PUF60: variants seen among roughly 807,000 people sequenced by gnomAD.
PUF60 encodes the protein poly(U)-binding-splicing factor PUF60.
In PUF60, 10 loss-of-function variants were observed where a neutral mutation model predicts 61.8. That is an observed-to-expected ratio of 0.16 (90% CI 0.10 to 0.27). PUF60 has a LOEUF of 0.27. PUF60 is among the 10% of genes least tolerant of loss of function. The pLI, the probability that PUF60 is intolerant of heterozygous loss-of-function variation, is 1.00. For synonymous variants in PUF60, 353 were observed against 300.9 expected, an observed-to-expected ratio of 1.17 and a Z score of -1.79; for missense variants, 371 against 754.0, an observed-to-expected ratio of 0.49 and a Z score of 5.95.
chr8:143,829,221 G>A lies in PUF60; in HGVS notation c.24+59C>T, dbSNP rs1356836163. ...GGGAGGCCCTCCGCGCCCAGGCTGG[G>A]TCGACGACCCGGCCCCGCAAGCCGA... On this transcript the variant is annotated intron_variant, in intron 1 of 11. Transcript: ENST00000526683. 5 of 1,236,984 alleles carry A rather than the reference G, an allele frequency of 4.0e-6. No individual in the cohort carries two copies. The East Asian group carries it at 1.3e-4, about 31-fold the overall frequency. 76.6% of individuals were successfully genotyped at this position (1,236,984 alleles called of 1,614,324 possible). A position where few individuals can be genotyped will look rare whatever the true frequency, so the allele number is the denominator to read the frequency against.
intron 1 of PUF60, among the ~76,000 whole-genome samples, chr8:143,826,740 A>T (rs1817677548): frequency 6.6e-6 from 1 of 152,142 alleles, no homozygotes; most frequent in African/African-American, 2.4e-5. Flanking sequence ...GAAAAAAAAA[A>T]TAATGTGGAG....
In PUF60 at chr8:143,816,903, T is replaced by C. The variant is rs535773549; in HGVS notation, c.1380+7A>G. 4.1e-4 allele frequency: 539 copies of C among 1,327,274 alleles called. 12 individuals carry two copies. In the South Asian group the frequency reaches 5.9e-3, roughly 15 times the overall value. The allele number at this position is 1,327,274 out of a possible 1,614,324, so 82.2% of individuals were successfully genotyped here. A position where few individuals can be genotyped will look rare whatever the true frequency, so the allele number is the denominator to read the frequency against. ...CTCCCCCGCCACCACCCTGCCCCTC[T>C]GCCTACCTCCTGCTTGCGGAGCAGC... On this transcript the variant is annotated splice_region_variant and intron_variant, in intron 11 of 11. Transcript: ENST00000526683.
intron 2 of PUF60, 75 bp from the exon 3 acceptor site, chr8:143,821,988 T>TA: frequency 9.1e-7 from 1 of 1,094,312 alleles, no homozygotes; most frequent in Non-Finnish European, 1.3e-6. Flanking sequence ...GGGCCACCCC[T>TA]AGCACAGACT....
chr8:143,825,584 G>A (rs1233088002), intron 1 of PUF60, among the ~76,000 whole-genome samples: 1 of 152,070 alleles, frequency 6.6e-6, no homozygotes, highest in African/African-American at 2.4e-5. Context: ...GTGCGGTGGT[G>A]CAACTACGGC....
chr8:143,828,030 T>C (rs1817833799), intron 1 of PUF60, among the ~76,000 whole-genome samples: 1 of 152,152 alleles, frequency 6.6e-6, no homozygotes, highest in South Asian at 2.1e-4. Context: ...TTACATCCTT[T>C]CTCTCTGGAG....
chr8:143,817,299 G>A lies in PUF60; in HGVS notation c.1144+32C>T. 2 of 1,572,720 alleles carry A rather than the reference G, an allele frequency of 1.3e-6. No individual in the cohort carries two copies. The highest frequency in any genetic ancestry group is 1.2e-5 in the South Asian group (1 of 85,612). ...CGAGCCGAGAGATGCCAGGACAGGA[G>A]AGGAGAGGATCTGGTACCACTTAAG... On this transcript the variant is annotated intron_variant, in intron 10 of 11. Transcript: ENST00000526683. This position sits in a 1 kb window ranked among gnomAD's most constrained non-coding sequence, Gnocchi z 7.4.
chr8:143,818,700 A>C lies in PUF60; in HGVS notation c.349-166T>G. 1 of 735,074 alleles carries C rather than the reference A, an allele frequency of 1.4e-6. No homozygotes were observed. The highest frequency in any genetic ancestry group is 2.8e-5 in the East Asian group (1 of 36,284). 45.5% of individuals were successfully genotyped at this position (735,074 alleles called of 1,614,324 possible). A position where few individuals can be genotyped will look rare whatever the true frequency, so the allele number is the denominator to read the frequency against. ...CCTGCAGTCATAGTGTGGGGGTCGC[A>C]GGACCCCGCCACCCAAAGAAGGAAG... On this transcript the variant is annotated intron_variant, in intron 5 of 11. Transcript: ENST00000526683. The surrounding 1 kb of genome is among the most constrained non-coding windows in gnomAD (Gnocchi z 7.9).
intron 3 of PUF60, 49 bp from the exon 4 acceptor site, chr8:143,821,735 C>G (rs781350569): frequency 3.9e-5 from 61 of 1,545,062 alleles, no homozygotes; most frequent in Middle Eastern, 1.9e-4. Context: ...CCATGGGAGA[C>G]AGGCCTGCCC....
At position 143,816,464 on chromosome 8, in the gene PUF60, CTA is replaced by C; in HGVS notation, c.*54_*55del. The C allele has an allele frequency of 6.4e-7, 1 of 1,557,610 alleles. No homozygotes were observed. The highest frequency in any genetic ancestry group is 8.7e-7 in the Non-Finnish European group (1 of 1,153,416). ...TGGCCCCGGGGACACCACTGTATCA[CTA>C]TAAAACCCAGAGGAAACAAGGAACA... is the stretch of plus-strand genomic sequence containing the variant. On this transcript the variant is annotated 3_prime_UTR_variant, in exon 12 of 12. Coordinates refer to ENST00000526683, the MANE Select transcript of PUF60 (RefSeq NM_078480.3).
rs745447585 is a variant in PUF60, at chr8:143,818,061, G to A, written c.618C>T (p.Ser206=). Residue 206 remains serine (S), a synonymous_variant, in exon 8 of 12, where the codon AGC becomes AGT. Transcript: ENST00000526683. This position sits in a 1 kb window ranked among gnomAD's most constrained non-coding sequence, Gnocchi z 7.9. ...GGRNIKVGRP[S]NIGQAQPIID... ...TGATGGGCTGGGCCTGCCCTATGTT[G>A]CTGGGTCTGCCCACCTGGGGAAGAG... The A allele has an allele frequency of 5.0e-6, 8 of 1,612,230 alleles. No individual in the cohort carries two copies. The highest frequency in any genetic ancestry group is 6.8e-6 in the Non-Finnish European group (8 of 1,179,740).
At chr8:143,822,459 C>T (rs1314867024) in intron 2 of PUF60, 6 of 456,422 alleles carry the variant, frequency 1.3e-5, no homozygotes, top group Non-Finnish European at 1.8e-5. Context: ...GTGCTCCCCC[C>T]ACCGTCCCCG....
chr8:143,822,704 T>A, intron 2 of PUF60: 1 of 385,564 alleles, frequency 2.6e-6, no homozygotes, highest in Middle Eastern at 5.5e-4. Context: ...TATGTTTACG[T>A]CCCTCCTGTC....
intron 1 of PUF60, 47 bp downstream of exon 1, chr8:143,829,233 G>T: frequency 8.1e-7 from 1 of 1,240,664 alleles, no homozygotes; most frequent in Non-Finnish European, 1.0e-6. Context: ...CGACGACCCG[G>T]CCCCGCAAGC....
intron 4 of PUF60, chr8:143,821,348 TAGAGC>T (rs1816994668): frequency 1.7e-6 from 1 of 592,982 alleles, no homozygotes; most frequent in African/African-American, 1.9e-5. Context: ...GGGAAAAGGG[TAGAGC>T]TGCAGCCAAG....
chr8:143,818,323 C>T lies in PUF60; in HGVS notation c.511-38G>A. 1 of 1,608,132 alleles carries T rather than the reference C, an allele frequency of 6.2e-7. No homozygotes were observed. The highest frequency in any genetic ancestry group is 8.5e-7 in the Non-Finnish European group (1 of 1,176,480). Reference sequence around the variant, plus strand: ...ACACACCTGTCAGGCTGCGCGAGCCCAGGGGTGGGGGCGAGCCCGAAGTGG... The same window carrying T: ...ACACACCTGTCAGGCTGCGCGAGCCTAGGGGTGGGGGCGAGCCCGAAGTGG... On this transcript the variant is annotated intron_variant, in intron 6 of 11. Transcript: ENST00000526683. This position sits in a 1 kb window ranked among gnomAD's most constrained non-coding sequence, Gnocchi z 7.9.
Position 143,816,398 on chromosome 8 carries a change from A to C in PUF60, c.*122T>G. Reference sequence around the variant, plus strand: ...GACGTTCAGGGCCAGCAGCATCCGCACCTTTATCCGCACTGTAGGCTGGGC... The same window carrying C: ...GACGTTCAGGGCCAGCAGCATCCGCCCCTTTATCCGCACTGTAGGCTGGGC... On this transcript the variant is annotated 3_prime_UTR_variant, in exon 12 of 12. Coordinates refer to ENST00000526683, the MANE Select transcript of PUF60 (RefSeq NM_078480.3). 1.8e-6 allele frequency: 2 copies of C among 1,138,486 alleles called. No individual in the cohort carries two copies. Among genetic ancestry groups the C allele is most frequent in the Non-Finnish European group, 2.4e-6 (2 of 822,084 alleles). 70.5% of individuals were successfully genotyped at this position (1,138,486 alleles called of 1,614,324 possible). A position where few individuals can be genotyped will look rare whatever the true frequency, so the allele number is the denominator to read the frequency against.
chr8:143,829,190 GT>G, intron 1 of PUF60, 89 bp downstream of exon 1: 1 of 1,228,484 alleles, frequency 8.1e-7, no homozygotes, highest in Non-Finnish European at 1.0e-6. Context: ...AGACCGCCGC[GT>G]TCTTGGGAGG....
chr8:143,816,884 C>A (rs182356228), intron 11 of PUF60, 26 bp downstream of exon 11: 21 of 1,565,790 alleles, frequency 1.3e-5, no homozygotes, highest in African/African-American at 9.4e-5. Flanking sequence ...CCCTCTCCCC[C>A]GCCACCACCC....
In PUF60 at chr8:143,829,290, G is replaced by C; in HGVS notation, c.14C>G (p.Thr5Ser). 2.4e-6 allele frequency: 3 copies of C among 1,267,708 alleles called. No homozygotes were observed. The highest frequency in any genetic ancestry group is 3.0e-6 in the Non-Finnish European group (3 of 999,722). The allele number at this position is 1,267,708 out of a possible 1,614,324, so 78.5% of individuals were successfully genotyped here. MATA[T>S]IALQVNGQQG... ...GGGGGGCTCACTTACGAGAGCTATG[G>C]TCGCCGTCGCCATCTTGCGTCCGTC... The change falls in exon 1 of 12, where the codon ACC becomes AGC. Residue 5 changes from threonine (T) to serine (S), a missense_variant. Transcript: ENST00000526683.
Sources: gnomAD v4.1 joint callset for allele counts (sites outside exome capture counted in the v4.1 genomes callset) on GRCh38, gnomAD v4.1.1 for gene constraint, Gnocchi (gnomAD v3.1) non-coding constraint, MANE v1.5 for transcripts, NCBI Gene and HGNC (gene_info 2026-07-23, HGNC 2026-07-21) for gene names.